HMCN1: variants seen among roughly 807,000 people sequenced by gnomAD.
The protein encoded by HMCN1 is hemicentin-1.
A neutral mutation model predicts 625.9 loss-of-function variants in HMCN1; 321 were observed. The ratio of observed to expected loss-of-function variants is 0.51; its 90% CI spans 0.47 to 0.56. The LOEUF (loss-of-function observed/expected upper bound fraction) is 0.56, where lower values mean the gene tolerates loss of function less well. HMCN1 is among the 20% of genes least tolerant of loss of function. HMCN1 has a pLI of 0.00. For missense variants in HMCN1, 6,588 were observed against 6,887.3 expected, an observed-to-expected ratio of 0.96 and a Z score of 1.54; for synonymous variants, 2,425 against 2,417.6, an observed-to-expected ratio of 1.00 and a Z score of -0.09.
rs186384601 is a variant in HMCN1, at chr1:185,775,791, G to A, written c.268+40744G>A. On this transcript the variant is annotated intron_variant, in intron 1 of 106. Transcript: ENST00000271588. ...AATCAAGAGGTTAGTGTTTCTGTGA[G>A]TCCTGTTTCTCTTCTGAAAGGGGCT... Among the ~76,000 whole-genome samples, 5 of 152,322 alleles carry A rather than the reference G, an allele frequency of 3.3e-5. No individual in the cohort carries two copies. The East Asian group carries it at 9.7e-4, about 29-fold the overall frequency.
intron 24 of HMCN1, among the ~76,000 whole-genome samples, chr1:185,996,736 TGA>T (rs1421795395): frequency 6.6e-6 from 1 of 152,064 alleles, no homozygotes; most frequent in Admixed American, 6.6e-5. Context: ...GGATTGGATA[TGA>T]GAGTGAAGGA....
intron 1 of HMCN1, among the ~76,000 whole-genome samples, chr1:185,765,221 GT>G (rs949436052): frequency 6.6e-6 from 1 of 152,126 alleles, no homozygotes; most frequent in Non-Finnish European, 1.5e-5. Flanking sequence ...AGTAAAGACG[GT>G]CATGAGAGGC....
chr1:185,776,442 TTG>T (rs57003461), intron 1 of HMCN1, among the ~76,000 whole-genome samples: 37,646 of 146,646 alleles, frequency 0.26, 5,666 homozygotes, highest in African/African-American at 0.43. Context: ...TTGTATAGGG[TTG>T]TGTGTGTGTG....
intron 9 of HMCN1, 66 bp from the exon 10 acceptor site, chr1:185,928,480 T>A: frequency 2.3e-6 from 3 of 1,316,288 alleles, no homozygotes; most frequent in Non-Finnish European, 3.3e-6. Flanking sequence ...AAGAAATAGT[T>A]AATCATTGCT....
intron 75 of HMCN1, among the ~76,000 whole-genome samples, chr1:186,116,311 G>T (rs1661130901): frequency 6.6e-6 from 1 of 151,900 alleles, no homozygotes; most frequent in South Asian, 2.1e-4. Context: ...TTCTAATTTA[G>T]ATTTACTTTA....
intron 1 of HMCN1, among the ~76,000 whole-genome samples, chr1:185,844,715 C>CTT (rs1661704080): frequency 6.6e-6 from 1 of 152,110 alleles, no homozygotes; most frequent in Admixed American, 6.6e-5. Flanking sequence ...TATATCTAAG[C>CTT]ACATGGTACC....
At chr1:186,108,222 A>C (rs912317243) in intron 70 of HMCN1, among the ~76,000 whole-genome samples, 1 of 151,930 alleles carries the variant, frequency 6.6e-6, no homozygotes, top group African/African-American at 2.4e-5. Flanking sequence ...AAATAATGCA[A>C]TTATATTACT....
At chr1:186,134,101 A>T (rs981101494) in intron 86 of HMCN1, among the ~76,000 whole-genome samples, 10 of 152,196 alleles carry the variant, frequency 6.6e-5, no homozygotes, top group African/African-American at 2.4e-4. Context: ...CATTTTAGTA[A>T]GTGAGGCATA....
At chr1:185,813,540 G>GTA (rs1659658029) in intron 1 of HMCN1, among the ~76,000 whole-genome samples, 1 of 152,076 alleles carries the variant, frequency 6.6e-6, no homozygotes, top group Non-Finnish European at 1.5e-5. Context: ...CCTACAAAAG[G>GTA]TATATATAAT....
At position 186,112,824 on chromosome 1, in the gene HMCN1, G is replaced by A. The variant is rs1660953950; in HGVS notation, c.11002G>A (p.Val3668Met). The A allele has an allele frequency of 2.5e-6, 4 of 1,614,042 alleles. No homozygotes were observed. The Admixed American group carries it at 5.0e-5, about 20-fold the overall frequency. Reference protein sequence around the residue: ...NGERLQATPRVRILSGGRYLQ... With the variant: ...NGERLQATPRMRILSGGRYLQ... ...TTGCTGAATCCAGGCAACACCTCGA[G>A]TGCGAATCCTATCTGGAGGGAGATA... The change falls in exon 72 of 107, where the codon GTG (valine) becomes ATG (methionine). Residue 3668 changes from valine (V) to methionine (M), a missense_variant. Physicochemically the swap from Val to Met is conservative, Grantham distance 21. Around this residue, in one of 3 missense-constraint regions of HMCN1, gnomAD observed 4,628 missense variants for 4,853.1 expected, o/e 0.95. Coordinates refer to ENST00000271588, the MANE Select transcript of HMCN1 (RefSeq NM_031935.3).
chr1:185,749,328 C>G (rs1022549390), intron 1 of HMCN1, among the ~76,000 whole-genome samples: 3 of 152,160 alleles, frequency 2.0e-5, no homozygotes, highest in African/African-American at 2.4e-5. Context: ...GTGATGGAGA[C>G]AGCAGATTGA....
chr1:186,093,134 A>G lies in HMCN1; in HGVS notation c.9888A>G (p.Arg3296=). ...CCCTCTGTTATGATCTTTTCCGTAGAGTGAGTGCAAATGGCAGCACATTAA... is the reference window on the plus strand; with the variant it reads ...CCCTCTGTTATGATCTTTTCCGTAGGGTGAGTGCAAATGGCAGCACATTAA... ...PIASGETERI[R]VSANGSTLNI... The change falls in exon 65 of 107, where the codon CGA becomes CGG. Residue 3296 remains arginine (R), a splice_region_variant and synonymous_variant. Transcript: ENST00000271588. The G allele has an allele frequency of 6.2e-7, 1 of 1,613,250 alleles. No individual in the cohort carries two copies.
At chr1:186,096,991 A>G (rs907721412) in intron 68 of HMCN1, among the ~76,000 whole-genome samples, 1 of 152,188 alleles carries the variant, frequency 6.6e-6, no homozygotes, top group Non-Finnish European at 1.5e-5. Context: ...GAAGATAAGG[A>G]TGCCCACTTT....
chr1:186,115,302 G>A lies in HMCN1; in HGVS notation c.11449G>A (p.Val3817Ile), dbSNP rs757980998. ...GGGTCCTACCAACATGACTGTAATAGTAAATGTTCAAACTACTCTGGCTTG... is the reference window on the plus strand; with the variant it reads ...GGGTCCTACCAACATGACTGTAATAATAAATGTTCAAACTACTCTGGCTTG... The part of the protein sequence containing the change: ...APGPTNMTVI[V>I]NVQTTLACEA... The change falls in exon 75 of 107, where the codon GTA becomes ATA. Residue 3817 changes from valine to isoleucine, a missense_variant. Coordinates refer to ENST00000271588, the MANE Select transcript of HMCN1 (RefSeq NM_031935.3). 1 of 1,613,962 alleles carries A rather than the reference G, an allele frequency of 6.2e-7. No homozygotes were observed.
intron 63 of HMCN1, among the ~76,000 whole-genome samples, chr1:186,089,663 A>G (rs1208418942): frequency 6.6e-6 from 1 of 152,006 alleles, no homozygotes; most frequent in Non-Finnish European, 1.5e-5. Flanking sequence ...TTGTAGGACT[A>G]AACATTTTAC....
At chr1:186,142,868 T>C (rs890844919) in intron 89 of HMCN1, among the ~76,000 whole-genome samples, 1 of 152,194 alleles carries the variant, frequency 6.6e-6, no homozygotes, top group African/African-American at 2.4e-5. Flanking sequence ...TGGCATTATA[T>C]TGTAAGAGGC....
Position 185,900,915 on chromosome 1 carries a change from A to G in HMCN1, c.622-8422A>G, listed in dbSNP as rs1208921837. Among the ~76,000 whole-genome samples, 3 of 151,934 alleles carry G rather than the reference A, an allele frequency of 2.0e-5. No individual in the cohort carries two copies. In the East Asian group the frequency reaches 5.8e-4, roughly 29 times the overall value. On this transcript the variant is annotated intron_variant, in intron 4 of 106. Transcript: ENST00000271588. The stretch of plus-strand genomic sequence containing the variant: ...GTTAAAGTATCTAAAGAGTATGTCA[A>G]TCAAAATGAGTGCAAACCAACAGGA...
chr1:185,797,380 A>G (rs1235700973), intron 1 of HMCN1, among the ~76,000 whole-genome samples: 2 of 152,192 alleles, frequency 1.3e-5, no homozygotes, highest in Admixed American at 6.5e-5. Context: ...TCTCAGATCA[A>G]TGTAACCTCA....
chr1:186,153,474 G>A (rs1650798134), intron 96 of HMCN1, among the ~76,000 whole-genome samples: 1 of 152,108 alleles, frequency 6.6e-6, no homozygotes, highest in Admixed American at 6.5e-5. Flanking sequence ...TTGTACCAAT[G>A]TAATGATGAG....
Sources: gnomAD v4.1 joint callset for allele counts (sites outside exome capture counted in the v4.1 genomes callset) on GRCh38, gnomAD v4.1.1 for gene constraint, gnomAD v4.1.1 regional missense constraint, MANE v1.5 for transcripts, NCBI Gene and HGNC (gene_info 2026-07-23, HGNC 2026-07-21) for gene names.